Variants in SPAG16 observed in about 807,000 individuals in gnomAD.
The protein encoded by SPAG16 is sperm associated antigen 16.
A neutral mutation model predicts 80.4 loss-of-function variants in SPAG16; 86 were observed. The ratio of observed to expected loss-of-function variants is 1.07; its 90% confidence interval spans 0.90 to 1.28. The LOEUF (loss-of-function observed/expected upper bound fraction) is 1.28, where lower values mean the gene tolerates loss of function less well. Ranked by LOEUF, SPAG16 falls within the 50% of genes most tolerant of loss-of-function variation. SPAG16 has a pLI of 0.00. For synonymous variants in SPAG16, 294 were observed against 265.9 expected, an observed-to-expected ratio of 1.11 and a Z score of -1.03; for missense variants, 870 against 765.3, an observed-to-expected ratio of 1.14 and a Z score of -1.61.
chr2:214,130,522 A>G (rs987240623), intron 14 of SPAG16, among the ~76,000 whole-genome samples: 1 of 152,160 alleles, frequency 6.6e-6, no homozygotes, highest in African/African-American at 2.4e-5. Context: ...GTAAAAATTT[A>G]ACACCACTCG....
chr2:213,862,410 C>T lies in SPAG16; in HGVS notation c.1071-75C>T, dbSNP rs1559531405. 2.6e-6 allele frequency: 4 copies of T among 1,548,254 alleles called. No individual in the cohort carries two copies. In the South Asian group the frequency reaches 4.7e-5, roughly 18 times the overall value. Reference sequence around the variant, plus strand: ...CCTTGCTAAAATCGGATAATCACTGCCATTTCATTTATTCATATTCTGAAA... The same window carrying T: ...CCTTGCTAAAATCGGATAATCACTGTCATTTCATTTATTCATATTCTGAAA... On this transcript the variant is annotated intron_variant, in intron 10 of 15. Transcript: ENST00000331683.
intron 13 of SPAG16, among the ~76,000 whole-genome samples, chr2:214,072,748 A>G (rs1410113350): frequency 2.6e-5 from 4 of 152,180 alleles, no homozygotes; most frequent in African/African-American, 9.6e-5. Flanking sequence ...AAAGTAGAAG[A>G]CAATATATTT....
At chr2:213,944,327 A>C (rs2079348188) in intron 12 of SPAG16, among the ~76,000 whole-genome samples, 1 of 152,186 alleles carries the variant, frequency 6.6e-6, no homozygotes, top group Non-Finnish European at 1.5e-5. Context: ...CAAGAGGATT[A>C]TTGCTTAGGT....
chr2:213,526,442 T>A (rs1194800221), intron 10 of SPAG16, among the ~76,000 whole-genome samples: 1 of 151,678 alleles, frequency 6.6e-6, no homozygotes, highest in East Asian at 1.9e-4. Flanking sequence ...GTAAAACTTA[T>A]TTTAATCAAA....
intron 10 of SPAG16, among the ~76,000 whole-genome samples, chr2:213,693,560 G>C (rs556656181): frequency 5.9e-5 from 9 of 152,252 alleles, no homozygotes; most frequent in African/African-American, 2.2e-4. Flanking sequence ...TAATTTATGG[G>C]CTTTTTGGAA....
At chr2:214,073,287 A>C (rs2050895230) in intron 13 of SPAG16, among the ~76,000 whole-genome samples, 1 of 147,710 alleles carries the variant, frequency 6.8e-6, no homozygotes, top group Non-Finnish European at 1.5e-5. Context: ...ACCAGGCTGG[A>C]GTGCAGTGGC....
intron 10 of SPAG16, among the ~76,000 whole-genome samples, chr2:213,665,094 G>C (rs891874774): frequency 2.0e-5 from 3 of 151,870 alleles, no homozygotes; most frequent in Admixed American, 6.6e-5. Flanking sequence ...GCACATTTCA[G>C]CTTCATAAAA....
chr2:213,371,502 C>A (rs985904469), intron 8 of SPAG16, among the ~76,000 whole-genome samples: 1 of 151,284 alleles, frequency 6.6e-6, no homozygotes, highest in Admixed American at 6.6e-5. Flanking sequence ...CTTCCTCCCG[C>A]TTTACTTGCT....
chr2:213,871,873 CACACACAGAGAGAGAGAG>C (rs780815183), intron 11 of SPAG16, among the ~76,000 whole-genome samples: 364 of 28,910 alleles, frequency 0.013, 3 homozygotes, highest in South Asian at 0.087. Context: ...CACACACACA[CACACACAGAGAGAGAGAG>C]AGAGAGAGCA....
In SPAG16 at chr2:213,517,472, A is replaced by G. The variant is rs192318715; in HGVS notation, c.1070+27382A>G. The stretch of plus-strand genomic sequence containing the variant: ...TAGAAAAAGCTATCCTAAAATTCAT[A>G]TGGAACCAAAGAAGAGCCTGAATAT... On this transcript the variant is annotated intron_variant, in intron 10 of 15. Transcript: ENST00000331683. 5.5e-4 allele frequency among the ~76,000 whole-genome samples: 84 copies of G among 152,336 alleles called. 1 individual carries two copies. The highest frequency in any genetic ancestry group is 9.8e-4 in the Admixed American group (15 of 15,298).
At chr2:213,648,201 C>T (rs1222832975) in intron 10 of SPAG16, among the ~76,000 whole-genome samples, 1 of 152,042 alleles carries the variant, frequency 6.6e-6, no homozygotes, top group Non-Finnish European at 1.5e-5. Flanking sequence ...GAATAGCAAG[C>T]AAAGTTTTAA....
At chr2:214,221,865 T>C (rs1478333584) in intron 15 of SPAG16, among the ~76,000 whole-genome samples, 1 of 152,138 alleles carries the variant, frequency 6.6e-6, no homozygotes, top group East Asian at 1.9e-4. Flanking sequence ...TAGCATGATA[T>C]TTTTTAGAAT....
At chr2:213,465,445 T>C (rs2072626778) in intron 9 of SPAG16, among the ~76,000 whole-genome samples, 1 of 152,182 alleles carries the variant, frequency 6.6e-6, no homozygotes, top group Non-Finnish European at 1.5e-5. Context: ...AAGGGGTTTT[T>C]TTGAGGTCCT....
intron 15 of SPAG16, among the ~76,000 whole-genome samples, chr2:214,395,041 G>A (rs1373416396): frequency 2.0e-5 from 3 of 152,102 alleles, no homozygotes; most frequent in Non-Finnish European, 4.4e-5. Context: ...TGGCTTGTTA[G>A]CTCATTTCTT....
chr2:213,485,368 G>A (rs1559180013), intron 9 of SPAG16, among the ~76,000 whole-genome samples: 1 of 152,080 alleles, frequency 6.6e-6, no homozygotes, highest in Non-Finnish European at 1.5e-5. Context: ...TTTGTCAGAT[G>A]TAATCAGCCA....
intron 15 of SPAG16, among the ~76,000 whole-genome samples, chr2:214,356,652 A>G (rs1698824047): frequency 6.6e-6 from 1 of 152,012 alleles, no homozygotes; most frequent in Admixed American, 6.6e-5. Context: ...AAATTTCAAC[A>G]TAAACATTTA....
At chr2:213,309,247 A>G (rs1373016519) in intron 3 of SPAG16, among the ~76,000 whole-genome samples, 1 of 152,054 alleles carries the variant, frequency 6.6e-6, no homozygotes, top group Non-Finnish European at 1.5e-5. Context: ...TGTAGTGCAA[A>G]TGCATCCATA....
chr2:213,832,680 T>A (rs1330702859), intron 10 of SPAG16, among the ~76,000 whole-genome samples: 1 of 152,154 alleles, frequency 6.6e-6, no homozygotes, highest in Non-Finnish European at 1.5e-5. Context: ...GGTTTTCCCC[T>A]CAGTCTATTA....
intron 13 of SPAG16, among the ~76,000 whole-genome samples, chr2:214,072,437 C>A (rs1157546521): frequency 3.9e-5 from 6 of 152,066 alleles, no homozygotes; most frequent in Non-Finnish European, 2.9e-5. Context: ...CTCCTACACC[C>A]CGAACAATCC....
Sources: gnomAD v4.1 joint callset for allele counts (sites outside exome capture counted in the v4.1 genomes callset) on GRCh38, gnomAD v4.1.1 for gene constraint, MANE v1.5 for transcripts, NCBI Gene and HGNC (gene_info 2026-07-23, HGNC 2026-07-21) for gene names.